The following RIMS1 variants were observed in gnomAD, a reference collection of about 807,000 sequenced individuals.
RIMS1 encodes regulating synaptic membrane exocytosis 1, also known as regulating synaptic membrane exocytosis protein 1.
In RIMS1, 83 loss-of-function variants were observed where a neutral mutation model predicts 214.1. The observed-to-expected ratio is 0.39, with a 90% confidence interval of 0.32 to 0.47. The LOEUF (loss-of-function observed/expected upper bound fraction) is 0.47. Ranked by LOEUF, RIMS1 falls within the 20% of genes least tolerant of loss-of-function variation. The probability of loss-of-function intolerance (pLI) is 0.99; values close to 1 mark genes in which losing one functional copy is unlikely to be tolerated. For synonymous variants in RIMS1, 793 were observed against 786.8 expected, an observed-to-expected ratio of 1.01 and a Z score of -0.13; for missense variants, 2,050 against 2,161.8, an observed-to-expected ratio of 0.95 and a Z score of 1.03.
At chr6:72,029,006 T>C (rs1817327948) in intron 2 of RIMS1, among the ~76,000 whole-genome samples, 1 of 152,208 alleles carries the variant, frequency 6.6e-6, no homozygotes, top group South Asian at 2.1e-4. Flanking sequence ...TTAAAGTTTT[T>C]ATTGAAGTTT....
intron 2 of RIMS1, among the ~76,000 whole-genome samples, chr6:71,983,192 A>ACC (rs1554169081): frequency 6.6e-6 from 1 of 150,956 alleles, no homozygotes. Flanking sequence ...ATTATGTTCT[A>ACC]TTTGTGTGTT....
chr6:72,374,310 G>A lies in RIMS1; in HGVS notation c.4367-16288G>A, dbSNP rs140772333. ...GAGTTTTCTTTTGGTCTTCAGATAC[G>A]CAACTATGTTTTGTTATTTAGTACC... On this transcript the variant is annotated intron_variant, in intron 29 of 33. Transcript: ENST00000521978. Among the ~76,000 whole-genome samples the A allele has an allele frequency of 2.5e-3, 388 of 152,212 alleles. 1 individual carries two copies. Among genetic ancestry groups the A allele is most frequent in the African/African-American group, 8.6e-3 (358 of 41,532 alleles).
chr6:72,324,027 CATAG>C (rs70994121), intron 28 of RIMS1, among the ~76,000 whole-genome samples: 38,068 of 145,780 alleles, frequency 0.26, 4,869 homozygotes, highest in Middle Eastern at 0.3. Context: ...TGCATGCATG[CATAG>C]ATAGATAGAT....
Position 72,196,603 on chromosome 6 carries a change from T to TTTTTA in RIMS1, c.1678+13454_1678+13455insTTTTA, listed in dbSNP as rs780611745. 1.8e-3 allele frequency among the ~76,000 whole-genome samples: 244 copies of TTTTTA among 132,266 alleles called. 6 individuals carry two copies. Among genetic ancestry groups the TTTTTA allele is most frequent in the African/African-American group, 6.7e-3 (240 of 36,054 alleles). 86.8% of individuals were successfully genotyped at this position (132,266 alleles called of 152,430 possible). A position where few individuals can be genotyped will look rare whatever the true frequency, so the allele number is the denominator to read the frequency against. On this transcript the variant is annotated intron_variant, in intron 6 of 33. Transcript: ENST00000521978. ...CACTTTTTTTTTTTTTTTTTTTTTT[T>TTTTTA]ACCTATACAGGAAATGGGTTAAAAG...
chr6:72,340,841 G>A (rs2097055336), intron 29 of RIMS1, among the ~76,000 whole-genome samples: 1 of 152,052 alleles, frequency 6.6e-6, no homozygotes, highest in South Asian at 2.1e-4. Context: ...TAGCTTGATG[G>A]GGATGGCATT....
At chr6:71,964,988 G>A (rs1031109830) in intron 1 of RIMS1, among the ~76,000 whole-genome samples, 20 of 152,190 alleles carry the variant, frequency 1.3e-4, no homozygotes, top group Admixed American at 3.9e-4. Flanking sequence ...TTGTATATTT[G>A]AAAAACATTT....
intron 26 of RIMS1, among the ~76,000 whole-genome samples, chr6:72,297,177 G>A (rs998479810): frequency 6.6e-6 from 1 of 151,776 alleles, no homozygotes; most frequent in Non-Finnish European, 1.5e-5. Context: ...AAAAAATTCA[G>A]TGAGATCAAG....
At chr6:71,916,677 A>G (rs1778521520) in intron 1 of RIMS1, among the ~76,000 whole-genome samples, 1 of 152,136 alleles carries the variant, frequency 6.6e-6, no homozygotes, top group Admixed American at 6.6e-5. Flanking sequence ...CTTTTTTGAA[A>G]GATGCCTTGA....
At chr6:72,136,074 A>G (rs2041230831) in intron 4 of RIMS1, among the ~76,000 whole-genome samples, 1 of 152,228 alleles carries the variant, frequency 6.6e-6, no homozygotes, top group Non-Finnish European at 1.5e-5. Flanking sequence ...ATTTGCAAAA[A>G]TTATCTTTAA....
chr6:72,031,020 T>C (rs931367679), intron 2 of RIMS1, among the ~76,000 whole-genome samples: 3 of 152,184 alleles, frequency 2.0e-5, no homozygotes, highest in African/African-American at 4.8e-5. Flanking sequence ...TGAGGTCTTC[T>C]TGTTAGAATA....
chr6:72,195,119 A>G (rs1233760313), intron 6 of RIMS1, among the ~76,000 whole-genome samples: 1 of 152,204 alleles, frequency 6.6e-6, no homozygotes, highest in Admixed American at 6.5e-5. Context: ...ATCCAAGGGA[A>G]AGCCACTTAT....
At chr6:72,332,591 T>C (rs932154793) in intron 28 of RIMS1, among the ~76,000 whole-genome samples, 3 of 145,634 alleles carry the variant, frequency 2.1e-5, no homozygotes, top group African/African-American at 5.0e-5. Flanking sequence ...TGCTAAATGA[T>C]GAGTTAATGG....
chr6:72,089,143 T>C (rs922655673), intron 2 of RIMS1, among the ~76,000 whole-genome samples: 1 of 152,098 alleles, frequency 6.6e-6, no homozygotes, highest in Non-Finnish European at 1.5e-5. Flanking sequence ...TTTTAGGAAG[T>C]CTTACGAAAA....
chr6:72,275,037 A>G (rs979146069), intron 23 of RIMS1, among the ~76,000 whole-genome samples: 1 of 150,172 alleles, frequency 6.7e-6, no homozygotes, highest in Non-Finnish European at 1.5e-5. Context: ...TTATGCTGAT[A>G]TGTCAGAAGT....
chr6:72,254,526 TAGTC>T lies in RIMS1; in HGVS notation c.2770+1697_2770+1700del, dbSNP rs778891922. On this transcript the variant is annotated intron_variant, in intron 16 of 33. Coordinates refer to ENST00000521978, the MANE Select transcript of RIMS1 (RefSeq NM_014989.7). ...CACCTCTAACAGGAATCTTAACTATTAGTCAGCCTTAATGTTGTCATTACCAATT... is the reference window on the plus strand; with the variant it reads ...CACCTCTAACAGGAATCTTAACTATTAGCCTTAATGTTGTCATTACCAATT... 7.9e-5 allele frequency among the ~76,000 whole-genome samples: 12 copies of T among 152,334 alleles called. No individual in the cohort carries two copies. In the East Asian group the frequency reaches 1.9e-3, roughly 24 times the overall value.
chr6:71,925,187 A>G (rs1413322692), intron 1 of RIMS1, among the ~76,000 whole-genome samples: 1 of 152,174 alleles, frequency 6.6e-6, no homozygotes, highest in Non-Finnish European at 1.5e-5. Context: ...TTTTGGTACT[A>G]TTACACCTTT....
intron 11 of RIMS1, among the ~76,000 whole-genome samples, chr6:72,247,048 G>C (rs1461693912): frequency 3.9e-5 from 6 of 152,134 alleles, no homozygotes; most frequent in African/African-American, 1.4e-4. Flanking sequence ...TCTCAATGAA[G>C]CATTGGCTAA....
chr6:71,919,713 G>A (rs1779451246), intron 1 of RIMS1, among the ~76,000 whole-genome samples: 3 of 152,088 alleles, frequency 2.0e-5, no homozygotes, highest in Non-Finnish European at 4.4e-5. Context: ...GGTAGATACG[G>A]GGCGGTGAGA....
At chr6:72,193,627 T>A (rs1408002724) in intron 6 of RIMS1, among the ~76,000 whole-genome samples, 1 of 152,210 alleles carries the variant, frequency 6.6e-6, no homozygotes, top group African/African-American at 2.4e-5. Context: ...TCCAGCACCT[T>A]GTGACACTGC....
Sources: gnomAD v4.1 joint callset for allele counts (sites outside exome capture counted in the v4.1 genomes callset) on GRCh38, gnomAD v4.1.1 for gene constraint, MANE v1.5 for transcripts, NCBI Gene and HGNC (gene_info 2026-07-23, HGNC 2026-07-21) for gene names.